Variants in TFDP2 observed in about 807,000 individuals in gnomAD.
TFDP2 encodes the protein transcription factor Dp-2.
TFDP2 carries 17 observed loss-of-function variants against 59.3 expected under a neutral mutation model. The ratio of observed to expected loss-of-function variants is 0.29; its 90% CI spans 0.20 to 0.43. The LOEUF is 0.43. Ranked by LOEUF, TFDP2 falls within the 20% of genes least tolerant of loss-of-function variation. The probability of loss-of-function intolerance (pLI) is 1.00; values close to 1 mark genes in which losing one functional copy is unlikely to be tolerated. For synonymous variants in TFDP2, 180 were observed against 194.7 expected (o/e 0.92, Z 0.63); for missense variants, 391 against 528.8 (o/e 0.74, Z 2.56).
intron 1 of TFDP2, among the ~76,000 whole-genome samples, chr3:142,128,425 C>A (rs1021464571): frequency 5.3e-5 from 8 of 152,138 alleles, no homozygotes; most frequent in African/African-American, 1.7e-4. Flanking sequence ...GATCCCTCTG[C>A]GAGGGAAAGT....
At chr3:142,138,688 T>A (rs999673921) in intron 1 of TFDP2, among the ~76,000 whole-genome samples, 3 of 152,178 alleles carry the variant, frequency 2.0e-5, no homozygotes, top group Non-Finnish European at 4.4e-5. Context: ...TTTGAGTGAG[T>A]TTCTTAATCC....
intron 1 of TFDP2, among the ~76,000 whole-genome samples, chr3:142,140,441 C>A (rs1403174892): frequency 6.6e-6 from 1 of 152,172 alleles, no homozygotes; most frequent in Non-Finnish European, 1.5e-5. Flanking sequence ...GGAGAAGAGG[C>A]ACTCTGGTTT....
chr3:142,063,880 A>C (rs528333273), intron 3 of TFDP2, among the ~76,000 whole-genome samples: 56 of 152,306 alleles, frequency 3.7e-4, no homozygotes, highest in African/African-American at 1.3e-3. Flanking sequence ...AGGCAGGAAA[A>C]TCAGGCTGAT....
chr3:142,125,580 C>A (rs559570314), intron 1 of TFDP2, among the ~76,000 whole-genome samples: 28 of 152,002 alleles, frequency 1.8e-4, no homozygotes, highest in African/African-American at 6.0e-4. Flanking sequence ...CCCATAACTG[C>A]GTATCAATAG....
chr3:142,132,744 CAA>C (rs199517533), intron 1 of TFDP2, among the ~76,000 whole-genome samples: 47 of 61,510 alleles, frequency 7.6e-4, no homozygotes, highest in Admixed American at 1.5e-3. Flanking sequence ...GACGCTATCT[CAA>C]AAAAAAAAAA....
chr3:142,008,446 A>C (rs1282021822), intron 3 of TFDP2, among the ~76,000 whole-genome samples: 3 of 152,032 alleles, frequency 2.0e-5, no homozygotes, highest in Non-Finnish European at 4.4e-5. Flanking sequence ...CTCCTTTCAC[A>C]GTTTCATCTT....
At chr3:141,959,321 GAGA>G (rs1223114857) in intron 11 of TFDP2, among the ~76,000 whole-genome samples, 1 of 152,220 alleles carries the variant, frequency 6.6e-6, no homozygotes, top group South Asian at 2.1e-4. Context: ...AGGGCACTAA[GAGA>G]AGATTTTTTA....
intron 3 of TFDP2, among the ~76,000 whole-genome samples, chr3:142,048,890 C>A (rs1033495892): frequency 6.6e-6 from 1 of 152,140 alleles, no homozygotes; most frequent in Non-Finnish European, 1.5e-5. Context: ...TGAACTGCCT[C>A]TATCACTTGG....
chr3:141,978,244 C>T (rs2108058341), intron 7 of TFDP2, among the ~76,000 whole-genome samples: 2 of 151,386 alleles, frequency 1.3e-5, no homozygotes, highest in South Asian at 4.2e-4. Flanking sequence ...ACGCGGGAGG[C>T]TGAGTCACAA....
chr3:142,061,872 T>TCC (rs2059920110), intron 3 of TFDP2, among the ~76,000 whole-genome samples: 1 of 70,358 alleles, frequency 1.4e-5, no homozygotes, highest in Admixed American at 1.5e-4. Context: ...ATCAATCAAT[T>TCC]TCTCTCTCTC....
chr3:142,132,898 A>G (rs2062571109), intron 1 of TFDP2, among the ~76,000 whole-genome samples: 2 of 149,844 alleles, frequency 1.3e-5, no homozygotes, highest in African/African-American at 5.1e-5. Context: ...GGATAAGACA[A>G]TTCAACATTA....
chr3:142,111,937 G>A (rs992397332), intron 1 of TFDP2, among the ~76,000 whole-genome samples: 2 of 151,952 alleles, frequency 1.3e-5, no homozygotes, highest in South Asian at 2.1e-4. Flanking sequence ...GTGGTGGAGC[G>A]TGCCTGTAAT....
chr3:142,061,431 T>C (rs2059910963), intron 3 of TFDP2, among the ~76,000 whole-genome samples: 1 of 152,176 alleles, frequency 6.6e-6, no homozygotes, highest in South Asian at 2.1e-4. Context: ...AGATAGCTGA[T>C]AAAACATTGT....
At chr3:141,962,249 T>A (rs1445676440) in intron 10 of TFDP2, among the ~76,000 whole-genome samples, 1 of 152,102 alleles carries the variant, frequency 6.6e-6, no homozygotes. Context: ...CGGCCAAGAA[T>A]CCACTCTTAA....
intron 1 of TFDP2, among the ~76,000 whole-genome samples, chr3:142,136,847 G>A (rs1164313676): frequency 6.6e-6 from 1 of 151,924 alleles, no homozygotes; most frequent in East Asian, 1.9e-4. Flanking sequence ...CGTTCTTTTT[G>A]CTTAGGATTG....
intron 3 of TFDP2, among the ~76,000 whole-genome samples, chr3:142,078,980 A>C (rs2060551601): frequency 6.6e-6 from 1 of 152,136 alleles, no homozygotes; most frequent in Non-Finnish European, 1.5e-5. Context: ...GATCAAACAG[A>C]AATTCTAGAG....
At chr3:142,031,835 T>G (rs1423601093) in intron 3 of TFDP2, among the ~76,000 whole-genome samples, 1 of 152,194 alleles carries the variant, frequency 6.6e-6, no homozygotes, top group South Asian at 2.1e-4. Context: ...AATAGTGTAA[T>G]GATGGCAGGC....
chr3:142,017,934 A>G (rs1286527507), intron 3 of TFDP2, among the ~76,000 whole-genome samples: 2 of 151,050 alleles, frequency 1.3e-5, no homozygotes, highest in Non-Finnish European at 2.9e-5. Flanking sequence ...GTGTTGCCTC[A>G]ATATTTTATT....
In TFDP2 at chr3:142,101,744, C is replaced by T; in HGVS notation, c.6G>A (p.Thr2=). 2.2e-6 allele frequency: 3 copies of T among 1,351,520 alleles called. No individual in the cohort carries two copies. The highest frequency in any genetic ancestry group is 1.7e-5 in the South Asian group (1 of 59,284). 83.7% of individuals were successfully genotyped at this position (1,351,520 alleles called of 1,614,324 possible). A position where few individuals can be genotyped will look rare whatever the true frequency, so the allele number is the denominator to read the frequency against. Reference sequence around the variant, plus strand: ...ATTTACAAATACTTACATTTTTTGCCGTCATGTCAAACTGTATTCTATTTA... The same window carrying T: ...ATTTACAAATACTTACATTTTTTGCTGTCATGTCAAACTGTATTCTATTTA... M[T]AKNVGLTSTN... is the part of the protein sequence containing the mutation. The change falls in exon 2 of 13, where the codon ACG becomes ACA. Residue 2 remains threonine, a synonymous_variant. Transcript: ENST00000489671.
Sources: gnomAD v4.1 joint callset for allele counts (sites outside exome capture counted in the v4.1 genomes callset) on GRCh38, gnomAD v4.1.1 for gene constraint, MANE v1.5 for transcripts, NCBI Gene and HGNC (gene_info 2026-07-23, HGNC 2026-07-21) for gene names.